Variants in CA5A observed in about 807,000 individuals in gnomAD.
The protein encoded by CA5A is carbonic anhydrase 5A, also known as carbonic anhydrase 5A, mitochondrial.
A neutral mutation model predicts 37.1 loss-of-function variants in CA5A; 28 were observed. The ratio of observed to expected loss-of-function variants is 0.75; its 90% CI spans 0.56 to 1.03. The LOEUF is 1.03. CA5A is among the 50% of genes least tolerant of loss of function. The pLI is 0.00. For missense variants in CA5A, 444 were observed against 399.9 expected, an observed-to-expected ratio of 1.11 and a Z score of -0.94; for synonymous variants, 171 against 158.4, an observed-to-expected ratio of 1.08 and a Z score of -0.60.
chr16:87,936,278 C>A (rs188528908), intron 1 of CA5A, 31 bp downstream of exon 1: 7 of 1,520,962 alleles, frequency 4.6e-6, no homozygotes, highest in South Asian at 2.2e-5. Flanking sequence ...AGGATCCAGT[C>A]GCATCTTAGG....
chr16:87,927,143 C>T (rs1189024971), intron 1 of CA5A, among the ~76,000 whole-genome samples, 198 bp from the exon 2 acceptor site: 1 of 152,272 alleles, frequency 6.6e-6, no homozygotes, highest in Non-Finnish European at 1.5e-5. Flanking sequence ...CTCCTTTCTG[C>T]ACCACTCGGG....
chr16:87,884,035 C>T (rs1250861750), downstream of CA5A: 2 of 151,956 alleles, frequency 1.3e-5, no homozygotes, highest in African/African-American at 4.8e-5. Context: ...GCTCATCTGA[C>T]TGTAAGGTAA....
In CA5A at chr16:87,926,969, C is replaced by G. The variant is rs375368627; in HGVS notation, c.143-24G>C. ...CACTGCAGGGAGAGAGACGGAGACC[C>G]TGAGTGAGGCATGAGCTTCATCCTG... is the stretch of plus-strand genomic sequence containing the variant. On this transcript the variant is annotated intron_variant, in intron 1 of 6. Transcript: ENST00000649794. 6 of 1,465,032 alleles carry G rather than the reference C, an allele frequency of 4.1e-6. No homozygotes were observed. The Admixed American group carries it at 1.2e-4, about 29-fold the overall frequency. The allele number at this position is 1,465,032 out of a possible 1,614,324, so 90.8% of individuals were successfully genotyped here.
At chr16:87,908,367 T>C (rs975380941) in intron 2 of CA5A, among the ~76,000 whole-genome samples, 1 of 152,220 alleles carries the variant, frequency 6.6e-6, no homozygotes, top group African/African-American at 2.4e-5. Context: ...TGTTGTCTGA[T>C]GATGGCAGTG....
At chr16:87,916,367 T>C (rs1222809394) in intron 2 of CA5A, among the ~76,000 whole-genome samples, 2 of 112,488 alleles carry the variant, frequency 1.8e-5, no homozygotes, top group South Asian at 2.7e-4. Context: ...ATAAGTATGG[T>C]TTGTGTAATA....
chr16:87,896,649 A>G (rs556408443), intron 5 of CA5A, among the ~76,000 whole-genome samples: 16 of 151,922 alleles, frequency 1.1e-4, no homozygotes, highest in African/African-American at 1.5e-4. Flanking sequence ...TTATTTATTT[A>G]TTGTTTTTGA....
At chr16:87,931,826 A>G (rs1241708246) in intron 1 of CA5A, among the ~76,000 whole-genome samples, 4 of 152,222 alleles carry the variant, frequency 2.6e-5, no homozygotes, top group Admixed American at 2.6e-4. Flanking sequence ...ATAGACAACT[A>G]TGGACGCGGG....
At chr16:87,885,205 C>A (rs117252918), downstream of CA5A, 5,887 of 168,932 alleles carry the variant, frequency 0.035, 142 homozygotes, top group Admixed American at 0.058. Context: ...ACAACAACAA[C>A]AAAAAAAAGA....
intron 2 of CA5A, among the ~76,000 whole-genome samples, chr16:87,908,521 C>T (rs1449356364): frequency 2.0e-5 from 3 of 152,214 alleles, no homozygotes; most frequent in East Asian, 1.9e-4. Context: ...GAGAGCGACG[C>T]CAACTGCATG....
chr16:87,895,419 C>T (rs550546149), intron 5 of CA5A, among the ~76,000 whole-genome samples: 3 of 152,300 alleles, frequency 2.0e-5, no homozygotes, highest in African/African-American at 7.2e-5. Context: ...GTGGCGCATG[C>T]CTGTAATCCC....
chr16:87,918,507 G>C lies in CA5A; in HGVS notation c.340+8241C>G, dbSNP rs1208284980. Among the ~76,000 whole-genome samples, 3 of 151,940 alleles carry C rather than the reference G, an allele frequency of 2.0e-5. No individual in the cohort carries two copies. In the East Asian group the frequency reaches 5.8e-4, roughly 30 times the overall value. Reference sequence around the variant, plus strand: ...CGTCCTTGGCCCATGCTTGCTCCAAGTGCTGGCACCCCCAGCTCCTAGGAA... The same window carrying C: ...CGTCCTTGGCCCATGCTTGCTCCAACTGCTGGCACCCCCAGCTCCTAGGAA... On this transcript the variant is annotated intron_variant, in intron 2 of 6. Coordinates refer to ENST00000649794, the MANE Select transcript of CA5A (RefSeq NM_001739.2).
At chr16:87,912,859 C>T (rs113329332) in intron 2 of CA5A, among the ~76,000 whole-genome samples, 2,616 of 152,300 alleles carry the variant, frequency 0.017, 86 homozygotes, top group African/African-American at 0.06. Flanking sequence ...GCCACCACAA[C>T]GGAACAGGCG....
rs938599439 is a variant in CA5A, at chr16:87,934,091, A to T, written c.142+2218T>A. Among the ~76,000 whole-genome samples the T allele has an allele frequency of 6.6e-5, 10 of 152,256 alleles. 1 individual carries two copies. The highest frequency in any genetic ancestry group is 1.2e-4 in the Non-Finnish European group (8 of 68,046). ...ATGCTTAAATAGACACAGGGCACCC[A>T]CCGCTGCCTGTGTTAGCAACAGCAG... On this transcript the variant is annotated intron_variant, in intron 1 of 6. Coordinates refer to ENST00000649794, the MANE Select transcript of CA5A (RefSeq NM_001739.2).
At chr16:87,894,884 C>T (rs1205482911) in intron 5 of CA5A, among the ~76,000 whole-genome samples, 1 of 151,730 alleles carries the variant, frequency 6.6e-6, no homozygotes, top group African/African-American at 2.4e-5. Context: ...CTGTCTCAAA[C>T]AACAGCAGCA....
At chr16:87,922,688 C>T (rs2056247483) in intron 2 of CA5A, among the ~76,000 whole-genome samples, 4 of 152,266 alleles carry the variant, frequency 2.6e-5, no homozygotes, top group Admixed American at 1.3e-4. Flanking sequence ...GGCCAGCTGC[C>T]GGCTCTCCTG....
At chr16:87,906,189 G>A (rs910670623) in intron 2 of CA5A, among the ~76,000 whole-genome samples, 2 of 152,034 alleles carry the variant, frequency 1.3e-5, no homozygotes, top group South Asian at 4.1e-4. Context: ...CACTGATCCC[G>A]AATTCAGGGT....
chr16:87,906,304 C>A (rs1433349363), intron 2 of CA5A, among the ~76,000 whole-genome samples: 1 of 152,074 alleles, frequency 6.6e-6, no homozygotes, highest in African/African-American at 2.4e-5. Flanking sequence ...GGGAGCTTGA[C>A]ACTGCTGACT....
chr16:87,909,284 G>C (rs1343569735), intron 2 of CA5A, among the ~76,000 whole-genome samples: 1 of 152,108 alleles, frequency 6.6e-6, no homozygotes. Flanking sequence ...AGGCTGGCTC[G>C]GGGCATCTGC....
Position 87,936,474 on chromosome 16 carries a change from C to T in CA5A, c.-24G>A. 6.2e-7 allele frequency: 1 copy of T among 1,612,768 alleles called. No homozygotes were observed. The highest frequency in any genetic ancestry group is 8.5e-7 in the Non-Finnish European group (1 of 1,179,678). On this transcript the variant is annotated 5_prime_UTR_variant, in exon 1 of 7. Coordinates refer to ENST00000649794, the MANE Select transcript of CA5A (RefSeq NM_001739.2). The stretch of plus-strand genomic sequence containing the variant: ...ATCTTGGGTCTGTTCCCACTGACTC[C>T]AGTCTGAAGAGGGTGATGTTCCCTG...
Sources: allele counts gnomAD v4.1 joint callset (sites outside exome capture counted in the v4.1 genomes callset), GRCh38; gene constraint gnomAD v4.1.1; transcripts MANE v1.5; gene names NCBI Gene and HGNC (gene_info 2026-07-23, HGNC 2026-07-21).